The following ZC4H2 variants were observed in gnomAD, a reference collection of about 807,000 sequenced individuals.
ZC4H2 encodes the protein zinc finger C4H2 domain-containing protein.
For missense variants in ZC4H2, 137 were observed against 173.9 expected, an observed-to-expected ratio of 0.79 and a Z score of 1.19; for synonymous variants, 84 against 66.3, an observed-to-expected ratio of 1.27 and a Z score of -1.30.
chrX:64,916,111 A>G lies in ZC4H2; in HGVS notation c.*1672T>C, dbSNP rs1381184540. On this transcript the variant is annotated 3_prime_UTR_variant, in exon 5 of 5. Coordinates refer to ENST00000374839, the MANE Select transcript of ZC4H2 (RefSeq NM_018684.4). ...CCAAATCCTGCAATTTCCTCTTACT[A>G]GCTGTTTAACTCTGAAAAAGCTTTT... 8.9e-6 allele frequency: 1 copy of G among 112,218 alleles called. No homozygotes were observed. The highest frequency in any genetic ancestry group is 3.2e-5 in the African/African-American group (1 of 30,893). The allele number at this position is 112,218 out of a possible 1,213,427, so 9.2% of individuals were successfully genotyped here.
Position 64,916,583 on chromosome X carries a change from G to T in ZC4H2, c.*1200C>A, listed in dbSNP as rs1928936697. The stretch of plus-strand genomic sequence containing the variant: ...GAAAAATATCCCCCTCCCCAGCCAG[G>T]TACTGAGACCTGGGGCTAAAATTTT... On this transcript the variant is annotated 3_prime_UTR_variant, in exon 5 of 5. Coordinates refer to ENST00000374839, the MANE Select transcript of ZC4H2 (RefSeq NM_018684.4). 1 of 111,858 alleles carries T rather than the reference G, an allele frequency of 8.9e-6. No individual in the cohort carries two copies. Among genetic ancestry groups the T allele is most frequent in the Admixed American group, 9.4e-5 (1 of 10,595 alleles). 9.2% of individuals were successfully genotyped at this position (111,858 alleles called of 1,213,427 possible).
At chrX:65,034,691 C>T (rs1376786801) in exon 1 of ZC4H2, 1 of 112,873 alleles carries the variant, frequency 8.9e-6, no homozygotes, top group African/African-American at 3.2e-5. Flanking sequence ...GGTCGTAGGC[C>T]TGCTGGTCTG....
chrX:64,971,408 G>T (rs1035039568), intron 1 of ZC4H2, among the ~76,000 whole-genome samples: 1 of 112,002 alleles, frequency 8.9e-6, no homozygotes, highest in African/African-American at 3.3e-5. Context: ...GAGGTGGAGA[G>T]TGGGGCAGGT....
intron 1 of ZC4H2, among the ~76,000 whole-genome samples, chrX:64,940,967 G>T: frequency 8.9e-6 from 1 of 111,802 alleles, no homozygotes; most frequent in Non-Finnish European, 1.9e-5. Context: ...GAATAGCATT[G>T]AATCTATGAA....
intron 1 of ZC4H2, among the ~76,000 whole-genome samples, chrX:65,015,280 G>T (rs757756472): frequency 1.8e-5 from 2 of 111,799 alleles, no homozygotes; most frequent in South Asian, 7.5e-4. Context: ...TATGTTTTAG[G>T]CATCTCATTT....
rs1161048524 is a variant in ZC4H2 at position 65,027,941 on chromosome X, A to G, written c.-272+6688T>C. On this transcript the variant is annotated intron_variant, in intron 1 of 4. Transcript: ENST00000337990. ...CAAAGGAGATTTTCCTAAAGCAGAG[A>G]TCTGAGCACCTGGAAGAGCTGAAGA... is the stretch of plus-strand genomic sequence containing the variant. 3.6e-5 allele frequency among the ~76,000 whole-genome samples: 4 copies of G among 111,917 alleles called. No individual in the cohort carries two copies. The East Asian group carries it at 8.5e-4, about 24-fold the overall frequency.
chrX:65,020,996 C>T (rs1411011394), intron 1 of ZC4H2, among the ~76,000 whole-genome samples: 1 of 109,208 alleles, frequency 9.2e-6, no homozygotes, highest in African/African-American at 3.5e-5. Flanking sequence ...TATATATACA[C>T]CCCATACAGG....
chrX:65,004,884 C>T (rs1932624114), intron 1 of ZC4H2, among the ~76,000 whole-genome samples: 1 of 112,049 alleles, frequency 8.9e-6, no homozygotes, highest in Non-Finnish European at 1.9e-5. Context: ...TCAGCAAAGA[C>T]TCTGGATACA....
At chrX:64,970,589 C>G (rs1031214193) in intron 1 of ZC4H2, among the ~76,000 whole-genome samples, 1 of 111,438 alleles carries the variant, frequency 9.0e-6, no homozygotes, top group African/African-American at 3.3e-5. Flanking sequence ...GATGGGATAA[C>G]TTGAGTGCTA....
chrX:64,993,945 C>G (rs1166574158), intron 1 of ZC4H2, among the ~76,000 whole-genome samples: 1 of 111,823 alleles, frequency 8.9e-6, no homozygotes, highest in Non-Finnish European at 1.9e-5. Context: ...TTTGCCAAAA[C>G]CACTTACTAA....
intron 1 of ZC4H2, among the ~76,000 whole-genome samples, chrX:65,001,270 G>GGGTT (rs1247920560): frequency 8.9e-6 from 1 of 111,741 alleles, no homozygotes; most frequent in East Asian, 2.8e-4. Flanking sequence ...GAAGATTGTA[G>GGGTT]GGTTATTGGG....
chrX:64,940,147 C>A (rs1930203076), intron 1 of ZC4H2, among the ~76,000 whole-genome samples: 1 of 112,133 alleles, frequency 8.9e-6, no homozygotes, highest in Non-Finnish European at 1.9e-5. Context: ...ATTTGCATTT[C>A]TCTAATGACC....
chrX:64,960,819 C>A (rs1012413017), intron 1 of ZC4H2, among the ~76,000 whole-genome samples: 1 of 111,867 alleles, frequency 8.9e-6, no homozygotes, highest in African/African-American at 3.2e-5. Context: ...AGAAAAGATA[C>A]TTGGTAGGAT....
At chrX:64,932,466 T>C (rs149016255) in intron 1 of ZC4H2, among the ~76,000 whole-genome samples, 363 of 111,760 alleles carry the variant, frequency 3.2e-3, no homozygotes, top group Non-Finnish European at 5.8e-3. Flanking sequence ...CCCTGTGAGA[T>C]TTATGCTTTA....
At chrX:64,929,811 C>T (rs1052702249) in intron 1 of ZC4H2, among the ~76,000 whole-genome samples, 3 of 111,613 alleles carry the variant, frequency 2.7e-5, no homozygotes, top group Non-Finnish European at 5.6e-5. Context: ...GTGATGCTTC[C>T]AGATTTGTTC....
intron 1 of ZC4H2, among the ~76,000 whole-genome samples, chrX:64,951,144 T>A (rs766356811): frequency 8.9e-6 from 1 of 112,410 alleles, no homozygotes; most frequent in South Asian, 3.7e-4. Flanking sequence ...ACTCATCATT[T>A]TTTATGGCTG....
At chrX:64,971,515 C>G (rs1275736958) in intron 1 of ZC4H2, among the ~76,000 whole-genome samples, 1 of 111,786 alleles carries the variant, frequency 8.9e-6, no homozygotes, top group Non-Finnish European at 1.9e-5. Flanking sequence ...TTCAGATTGC[C>G]ATCTGAGGTA....
intron 1 of ZC4H2, among the ~76,000 whole-genome samples, chrX:65,013,541 A>C (rs1429763181): frequency 1.8e-5 from 2 of 111,427 alleles, no homozygotes; most frequent in Admixed American, 1.9e-4. Context: ...ACATGCTGCC[A>C]TGTTGAAAAA....
At chrX:64,944,783 A>AT (rs748862251) in intron 1 of ZC4H2, among the ~76,000 whole-genome samples, 21 of 109,176 alleles carry the variant, frequency 1.9e-4, no homozygotes, top group South Asian at 4.0e-4. Flanking sequence ...GCTCCTTTTC[A>AT]TTTTTTTTCT....
Sources: allele counts gnomAD v4.1 joint callset (sites outside exome capture counted in the v4.1 genomes callset), GRCh38; gene constraint gnomAD v4.1.1; transcripts MANE v1.5; gene names NCBI Gene and HGNC (gene_info 2026-07-23, HGNC 2026-07-21).